The following PRKN variants were observed in gnomAD, a reference collection of about 807,000 sequenced individuals.
The protein encoded by PRKN is parkin RBR E3 ubiquitin protein ligase, also known as E3 ubiquitin-protein ligase parkin.
A neutral mutation model predicts 59.5 loss-of-function variants in PRKN; 56 were observed. That is an observed-to-expected ratio of 0.94 (90% confidence interval 0.76 to 1.18). The LOEUF (loss-of-function observed/expected upper bound fraction) is 1.18, where lower values mean the gene tolerates loss of function less well. Among genes scored for constraint, PRKN ranks in the 50% most tolerant of loss-of-function variants. The probability of loss-of-function intolerance (pLI) is 0.00; values close to 1 mark genes in which losing one functional copy is unlikely to be tolerated. For missense variants in PRKN, 657 were observed against 596.4 expected, an observed-to-expected ratio of 1.10 and a Z score of -1.06; for synonymous variants, 250 against 222.1, an observed-to-expected ratio of 1.13 and a Z score of -1.12.
In PRKN at chr6:161,409,166, G is replaced by A. The variant is rs749993097; in HGVS notation, c.1084-22289C>T. On this transcript the variant is annotated intron_variant, in intron 9 of 11. Transcript: ENST00000366898. This position sits in a 1 kb window ranked among gnomAD's most constrained non-coding sequence, Gnocchi z 4.6. ...TCACCATATTGGCCAGGCTGGTCTCGAACTCCTGACCTTGTGATCCACCCG... is the reference window on the plus strand; with the variant it reads ...TCACCATATTGGCCAGGCTGGTCTCAAACTCCTGACCTTGTGATCCACCCG... 2.0e-5 allele frequency among the ~76,000 whole-genome samples: 3 copies of A among 152,142 alleles called. No homozygotes were observed. The highest frequency in any genetic ancestry group is 4.8e-5 in the African/African-American group (2 of 41,486).
At chr6:161,607,900 A>G (rs1277567375) in intron 7 of PRKN, among the ~76,000 whole-genome samples, 1 of 152,240 alleles carries the variant, frequency 6.6e-6, no homozygotes, top group Middle Eastern at 3.2e-3. Flanking sequence ...GGAGAACAGG[A>G]ACAAGAATCA....
intron 1 of PRKN, among the ~76,000 whole-genome samples, chr6:162,443,988 G>T (rs896053920): frequency 3.3e-5 from 5 of 152,138 alleles, no homozygotes; most frequent in African/African-American, 1.2e-4. Context: ...GGTGGTCCTG[G>T]CCAAAATGCT....
Position 161,360,221 on chromosome 6 carries a change from G to C in PRKN, c.1168-16C>G. ...CTCTGTAGGCCTGGGGAAACAAAGA[G>C]GAAAGGCGTTTAATCTCAGCTTTCT... On this transcript the variant is annotated splice_polypyrimidine_tract_variant and intron_variant, in intron 10 of 11. Transcript: ENST00000366898. This position sits in a 1 kb window ranked among gnomAD's most constrained non-coding sequence, Gnocchi z 5.1. 1 of 1,577,798 alleles carries C rather than the reference G, an allele frequency of 6.3e-7. No homozygotes were observed. Among genetic ancestry groups the C allele is most frequent in the Non-Finnish European group, 8.7e-7 (1 of 1,146,630 alleles).
rs1224985444 is a variant in PRKN at position 161,458,552 on chromosome 6, T to C, written c.1084-71675A>G. Among the ~76,000 whole-genome samples, 1 of 152,224 alleles carries C rather than the reference T, an allele frequency of 6.6e-6. No individual in the cohort carries two copies. The highest frequency in any genetic ancestry group is 1.5e-5 in the Non-Finnish European group (1 of 68,036). On this transcript the variant is annotated intron_variant, in intron 9 of 11. Transcript: ENST00000366898. This position sits in a 1 kb window ranked among gnomAD's most constrained non-coding sequence, Gnocchi z 6.1. ...TCAGTAATGTGAAAACATCAATTAT[T>C]TCCTTCCTACATTTAAATGAACTAT...
At chr6:162,325,707 A>G (rs143080051) in intron 2 of PRKN, among the ~76,000 whole-genome samples, 23 of 152,298 alleles carry the variant, frequency 1.5e-4, no homozygotes, top group African/African-American at 5.3e-4. Flanking sequence ...TTTAACGTAC[A>G]TATGTCTATT....
chr6:162,538,421 A>T (rs1562366642), intron 1 of PRKN, among the ~76,000 whole-genome samples: 1 of 152,300 alleles, frequency 6.6e-6, no homozygotes, highest in Non-Finnish European at 1.5e-5. Context: ...AAATTAAAAA[A>T]AAGAAAAGAA....
chr6:162,197,232 C>T (rs2128328775), intron 4 of PRKN, among the ~76,000 whole-genome samples: 1 of 152,282 alleles, frequency 6.6e-6, no homozygotes, highest in East Asian at 1.9e-4. Context: ...TTAGCACCTA[C>T]TCCATTATTG....
intron 6 of PRKN, among the ~76,000 whole-genome samples, chr6:161,965,814 T>C (rs113912899): frequency 0.081 from 12,309 of 152,074 alleles, 621 homozygotes; most frequent in Middle Eastern, 0.11. Context: ...CTGGGAGGGA[T>C]AGAAAGGGAA....
chr6:162,448,893 T>A lies in PRKN; in HGVS notation c.8-5420A>T, dbSNP rs577084574. On this transcript the variant is annotated intron_variant, in intron 1 of 11. Coordinates refer to ENST00000366898, the MANE Select transcript of PRKN (RefSeq NM_004562.3). ...TCTTTTCCTCTCTCTCTCTCTCCCT[T>A]CCTCTCTCTCTCTCTCTCTCATCTC... Among the ~76,000 whole-genome samples the A allele has an allele frequency of 3.6e-4, 46 of 126,202 alleles. 1 individual carries two copies. The East Asian group carries it at 9.4e-3, about 26-fold the overall frequency. The allele number at this position is 126,202 out of a possible 152,430, so 82.8% of individuals were successfully genotyped here.
At chr6:161,923,696 G>A (rs74940029) in intron 6 of PRKN, among the ~76,000 whole-genome samples, 12,326 of 152,130 alleles carry the variant, frequency 0.081, 756 homozygotes, top group East Asian at 0.32. Flanking sequence ...AGTTCTTAGA[G>A]AGTAATTTGC....
intron 6 of PRKN, among the ~76,000 whole-genome samples, chr6:161,928,016 C>T (rs924650699): frequency 1.1e-4 from 17 of 152,140 alleles, no homozygotes; most frequent in African/African-American, 4.1e-4. Context: ...TATGATGGTA[C>T]CCCTGGGAGA....
In PRKN at chr6:161,442,985, C is replaced by T. The variant is rs78224461; in HGVS notation, c.1084-56108G>A. On this transcript the variant is annotated intron_variant, in intron 9 of 11. Transcript: ENST00000366898. This position sits in a 1 kb window ranked among gnomAD's most constrained non-coding sequence, Gnocchi z 4.6. Reference sequence around the variant, plus strand: ...GCTCTGAGAGGTTAACTGACCTGCTCGAGGTGAAGAAAATGAGTAGGGATT... The same window carrying T: ...GCTCTGAGAGGTTAACTGACCTGCTTGAGGTGAAGAAAATGAGTAGGGATT... Among the ~76,000 whole-genome samples, 11,005 of 152,046 alleles carry T rather than the reference C, an allele frequency of 0.072. 527 individuals are homozygous for T. The highest frequency in any genetic ancestry group is 0.099 in the Non-Finnish European group (6,714 of 67,990).
chr6:161,923,542 C>CA (rs1396638576), intron 6 of PRKN, among the ~76,000 whole-genome samples: 25 of 152,150 alleles, frequency 1.6e-4, no homozygotes, highest in African/African-American at 5.5e-4. Context: ...TAAAATTGTA[C>CA]AAAAAACTGT....
intron 2 of PRKN, among the ~76,000 whole-genome samples, chr6:162,432,125 A>C (rs1337247798): frequency 3.9e-5 from 6 of 152,134 alleles, no homozygotes; most frequent in Non-Finnish European, 7.3e-5. Context: ...CAGATACATT[A>C]TTTCCCCCTC....
chr6:161,895,167 G>T (rs116849746), intron 6 of PRKN, among the ~76,000 whole-genome samples: 1,736 of 152,262 alleles, frequency 0.011, 13 homozygotes, highest in Non-Finnish European at 0.018. Context: ...ACATTTAACT[G>T]CCACAGCAGG....
chr6:161,612,679 C>T (rs983471545), intron 7 of PRKN, among the ~76,000 whole-genome samples: 13 of 148,310 alleles, frequency 8.8e-5, no homozygotes, highest in African/African-American at 3.3e-4. Context: ...TGAGATCATG[C>T]CGCTGCACTC....
At chr6:162,188,930 A>G (rs545277631) in intron 4 of PRKN, among the ~76,000 whole-genome samples, 1 of 152,286 alleles carries the variant, frequency 6.6e-6, no homozygotes, top group African/African-American at 2.4e-5. Context: ...AAGTCAGATG[A>G]CTACAAAGCA....
chr6:161,689,235 A>ACAC (rs1785684263), intron 7 of PRKN, among the ~76,000 whole-genome samples: 1 of 130,754 alleles, frequency 7.6e-6, no homozygotes, highest in South Asian at 2.6e-4. Flanking sequence ...CACACACACA[A>ACAC]AGTGAACCCA....
chr6:162,168,863 T>C (rs1583142023), intron 4 of PRKN, among the ~76,000 whole-genome samples: 1 of 152,312 alleles, frequency 6.6e-6, no homozygotes, highest in East Asian at 1.9e-4. Context: ...TTGAAAATTA[T>C]ATGCAAAAGA....
Sources: allele counts gnomAD v4.1 joint callset (sites outside exome capture counted in the v4.1 genomes callset), GRCh38; gene constraint gnomAD v4.1.1; non-coding constraint Gnocchi (gnomAD v3.1); transcripts MANE v1.5; gene names NCBI Gene and HGNC (gene_info 2026-07-23, HGNC 2026-07-21).